Variants in SDK1 observed in about 807,000 individuals in gnomAD.
SDK1 encodes protein sidekick-1.
SDK1 carries 157 observed loss-of-function variants against 245.5 expected under a neutral mutation model. The observed-to-expected ratio is 0.64, with a 90% CI of 0.56 to 0.73. SDK1 has a LOEUF of 0.73. Ranked by LOEUF, SDK1 falls within the 30% of genes least tolerant of loss-of-function variation. The pLI, the probability that SDK1 is intolerant of heterozygous loss-of-function variation, is 0.00. For missense variants in SDK1, 3,583 were observed against 3,002.3 expected (o/e 1.19, Z -4.52); for synonymous variants, 1,647 against 1,278.5 (o/e 1.29, Z -6.15).
Position 3,651,344 on chromosome 7 carries a change from A to G in SDK1, c.713+9239A>G, listed in dbSNP as rs375500497. ...TCTCTAATGGCTAATGATGTTGAAC[A>G]TCTCTTAATGTGCTGATTTTAAAAA... On this transcript the variant is annotated intron_variant, in intron 4 of 44. Coordinates refer to ENST00000404826, the MANE Select transcript of SDK1 (RefSeq NM_152744.4). Among the ~76,000 whole-genome samples, 41 of 152,206 alleles carry G rather than the reference A, an allele frequency of 2.7e-4. No homozygotes were observed. In the East Asian group the frequency reaches 7.0e-3, roughly 26 times the overall value.
At chr7:4,005,983 G>T (rs1480417882) in intron 14 of SDK1, among the ~76,000 whole-genome samples, 1 of 152,170 alleles carries the variant, frequency 6.6e-6, no homozygotes, top group Non-Finnish European at 1.5e-5. Flanking sequence ...CAGGAGGATC[G>T]CTTGAACCCA....
At chr7:3,363,278 A>G (rs1315252625) in intron 1 of SDK1, among the ~76,000 whole-genome samples, 1 of 152,124 alleles carries the variant, frequency 6.6e-6, no homozygotes, top group East Asian at 1.9e-4. Context: ...CGATTCATCT[A>G]GATTGTTTTC....
intron 1 of SDK1, among the ~76,000 whole-genome samples, chr7:3,345,106 A>G (rs897141003): frequency 7.2e-5 from 11 of 152,216 alleles, no homozygotes; most frequent in Admixed American, 5.9e-4. Context: ...TCGGGTCTCC[A>G]CGGAATGTGG....
intron 4 of SDK1, among the ~76,000 whole-genome samples, chr7:3,753,760 A>G (rs904668767): frequency 2.0e-5 from 3 of 152,200 alleles, no homozygotes; most frequent in African/African-American, 7.2e-5. Context: ...GCTTTTGTAG[A>G]CTGAATATGG....
intron 32 of SDK1, among the ~76,000 whole-genome samples, chr7:4,166,536 C>A (rs1212468659): frequency 6.6e-6 from 1 of 152,218 alleles, no homozygotes; most frequent in Non-Finnish European, 1.5e-5. Flanking sequence ...GGTGACGTCA[C>A]TGGTGTTTGA....
chr7:3,907,205 T>C (rs1292650045), intron 5 of SDK1, among the ~76,000 whole-genome samples: 2 of 152,194 alleles, frequency 1.3e-5, no homozygotes, highest in South Asian at 2.1e-4. Flanking sequence ...TACATGCACA[T>C]TGTTGTGTAA....
chr7:3,588,970 T>C (rs1294663822), intron 1 of SDK1, among the ~76,000 whole-genome samples: 1 of 152,248 alleles, frequency 6.6e-6, no homozygotes, highest in Admixed American at 6.5e-5. Context: ...TTTAGGATTT[T>C]AGTATCTTGA....
intron 17 of SDK1, among the ~76,000 whole-genome samples, chr7:4,023,640 A>T (rs944783590): frequency 6.6e-6 from 1 of 152,238 alleles, no homozygotes; most frequent in African/African-American, 2.4e-5. Flanking sequence ...CAGTATAATT[A>T]GAAACATTTT....
chr7:3,487,656 G>A (rs1046473236), intron 1 of SDK1, among the ~76,000 whole-genome samples: 1 of 150,730 alleles, frequency 6.6e-6, no homozygotes, highest in African/African-American at 2.4e-5. Context: ...TCGGAAGACT[G>A]AGGTGGGAGG....
At chr7:3,338,631 C>CA (rs5881978) in intron 1 of SDK1, 106 of 185,538 alleles carry the variant, frequency 5.7e-4, no homozygotes, top group East Asian at 1.2e-3. Context: ...AACAAACAAA[C>CA]AAAAAAAAAC....
At chr7:4,174,056 C>T (rs946623431) in intron 32 of SDK1, among the ~76,000 whole-genome samples, 166 bp from the exon 33 acceptor site, 15 of 152,188 alleles carry the variant, frequency 9.9e-5, no homozygotes, top group Non-Finnish European at 2.2e-4. Context: ...GGTGCTGTGC[C>T]CTGGGAGCTG....
chr7:3,492,640 A>G (rs1295565029), intron 1 of SDK1, among the ~76,000 whole-genome samples: 1 of 152,234 alleles, frequency 6.6e-6, no homozygotes, highest in Admixed American at 6.5e-5. Context: ...TTGGTCCTGT[A>G]TCTCCACAGT....
chr7:3,487,935 C>T (rs949214172), intron 1 of SDK1, among the ~76,000 whole-genome samples: 1 of 152,088 alleles, frequency 6.6e-6, no homozygotes, highest in African/African-American at 2.4e-5. Context: ...ATGTAATGCT[C>T]TTTTAAGTGT....
At position 3,641,967 on chromosome 7, in the gene SDK1, G is replaced by T. The variant is rs761000435; in HGVS notation, c.575G>T (p.Ser192Ile). ...TTCTTTTTCTCTGCAGATATGGGAA[G>T]TTTCATGGATACGGACCAGAGGAAA... ...KSEVQVAYMGSFMDTDQRKTV... is the reference protein window; with the variant it reads ...KSEVQVAYMGIFMDTDQRKTV... The change falls in exon 4 of 45, where the codon AGT becomes ATT. Residue 192 changes from serine (S) to isoleucine (I), a missense_variant. Transcript: ENST00000404826. 2 of 1,612,808 alleles carry T rather than the reference G, an allele frequency of 1.2e-6. No homozygotes were observed. Among genetic ancestry groups the T allele is most frequent in the Admixed American group, 1.7e-5 (1 of 59,730 alleles).
intron 16 of SDK1, among the ~76,000 whole-genome samples, chr7:4,015,133 A>C (rs1346469267): frequency 1.3e-5 from 2 of 151,826 alleles, no homozygotes; most frequent in Admixed American, 6.6e-5. Context: ...GTCTCCTTTG[A>C]CTCTTGCAAC....
intron 1 of SDK1, among the ~76,000 whole-genome samples, chr7:3,415,987 A>G (rs573342933): frequency 6.6e-6 from 1 of 152,270 alleles, no homozygotes; most frequent in South Asian, 2.1e-4. Flanking sequence ...TGAGGCTTGC[A>G]ATTACCAGAG....
chr7:4,224,807 C>T (rs1009039619), intron 40 of SDK1, among the ~76,000 whole-genome samples: 2 of 151,254 alleles, frequency 1.3e-5, no homozygotes, highest in African/African-American at 4.9e-5. Context: ...ATGGTGAAAC[C>T]CAGTCTGTAC....
chr7:3,480,480 C>G (rs982251913), intron 1 of SDK1, among the ~76,000 whole-genome samples: 3 of 152,034 alleles, frequency 2.0e-5, no homozygotes, highest in African/African-American at 7.3e-5. Context: ...GCCTCGTGCA[C>G]ATACGCTCAT....
intron 4 of SDK1, among the ~76,000 whole-genome samples, chr7:3,791,436 T>C (rs750827250): frequency 6.6e-6 from 1 of 152,216 alleles, no homozygotes; most frequent in Non-Finnish European, 1.5e-5. Context: ...AAGGAAAGAC[T>C]GACTTCGTGG....
Sources: allele counts gnomAD v4.1 joint callset (sites outside exome capture counted in the v4.1 genomes callset), GRCh38; gene constraint gnomAD v4.1.1; transcripts MANE v1.5; gene names NCBI Gene and HGNC (gene_info 2026-07-23, HGNC 2026-07-21).